The following TPRG1 variants were observed in gnomAD, a reference collection of about 807,000 sequenced individuals.
TPRG1 encodes the protein tumor protein p63-regulated gene 1 protein.
In TPRG1, 29 loss-of-function variants were observed where a neutral mutation model predicts 29.3. The observed-to-expected ratio is 0.99, with a 90% CI of 0.74 to 1.35. The LOEUF is 1.35. Among genes scored for constraint, TPRG1 ranks in the 40% most tolerant of loss-of-function variants. The pLI is 0.00. For missense variants in TPRG1, 327 were observed against 335.0 expected, an observed-to-expected ratio of 0.98 and a Z score of 0.19; for synonymous variants, 130 against 116.8, an observed-to-expected ratio of 1.11 and a Z score of -0.73.
intron 1 of TPRG1, among the ~76,000 whole-genome samples, chr3:189,105,066 T>C (rs991203212): frequency 2.0e-5 from 3 of 152,186 alleles, no homozygotes; most frequent in Non-Finnish European, 4.4e-5. Context: ...TTTCTTTTCA[T>C]GGCTCAGTGG....
intron 3 of TPRG1, among the ~76,000 whole-genome samples, chr3:189,016,927 G>A (rs1712965862): frequency 6.6e-6 from 1 of 152,096 alleles, no homozygotes; most frequent in African/African-American, 2.4e-5. Flanking sequence ...ATAGCAGTGT[G>A]AAAACGAATT....
chr3:189,197,864 A>G (rs1732803511), intron 1 of TPRG1, among the ~76,000 whole-genome samples: 1 of 152,188 alleles, frequency 6.6e-6, no homozygotes, highest in Admixed American at 6.5e-5. Flanking sequence ...ACCATACACA[A>G]TGTGACAAAC....
intron 5 of TPRG1, among the ~76,000 whole-genome samples, chr3:189,163,336 G>C (rs1046160105): frequency 3.9e-5 from 6 of 152,116 alleles, no homozygotes; most frequent in African/African-American, 1.4e-4. Flanking sequence ...ATTTCTCTCT[G>C]AGACATTGAT....
chr3:189,003,570 T>C (rs1262420632), intron 2 of TPRG1, among the ~76,000 whole-genome samples: 1 of 152,158 alleles, frequency 6.6e-6, no homozygotes, highest in Non-Finnish European at 1.5e-5. Context: ...CTCTAGGATC[T>C]AGTTGTAGAG....
intron 2 of TPRG1, among the ~76,000 whole-genome samples, chr3:189,213,274 G>A (rs956088805): frequency 1.3e-5 from 2 of 152,036 alleles, no homozygotes; most frequent in African/African-American, 2.4e-5. Context: ...ACTGATGTAC[G>A]GAATGACAAA....
chr3:189,308,377 G>C (rs900569132), intron 4 of TPRG1, among the ~76,000 whole-genome samples: 1 of 152,116 alleles, frequency 6.6e-6, no homozygotes, highest in African/African-American at 2.4e-5. Flanking sequence ...GGTCATAAAG[G>C]CATCTGCAGT....
At chr3:189,183,262 A>G (rs1387509395) in intron 1 of TPRG1, among the ~76,000 whole-genome samples, 2 of 152,172 alleles carry the variant, frequency 1.3e-5, no homozygotes, top group Non-Finnish European at 2.9e-5. Flanking sequence ...AGGGACTTTC[A>G]AAAGGGGAGG....
chr3:189,024,747 C>T (rs549934341), intron 4 of TPRG1, among the ~76,000 whole-genome samples: 4 of 152,072 alleles, frequency 2.6e-5, no homozygotes, highest in East Asian at 2.0e-4. Flanking sequence ...GCTCTGGATG[C>T]GAAGTCCTGC....
At chr3:189,045,518 GA>G in intron 4 of TPRG1, among the ~76,000 whole-genome samples, 1 of 152,178 alleles carries the variant, frequency 6.6e-6, no homozygotes, top group East Asian at 1.9e-4. Flanking sequence ...CAGTTAATCG[GA>G]ACAGGTTACT....
rs906544687 is a variant in TPRG1, at chr3:189,104,330, C to T, written c.-744+4126C>T. On this transcript the variant is annotated intron_variant, in intron 1 of 6. Coordinates refer to the TPRG1 transcript ENST00000412373. ...GACAGGCGTAGATATTCAGTAAATG[C>T]AACCTAAATATCCTAGCACTCATCT... 2.6e-5 allele frequency among the ~76,000 whole-genome samples: 4 copies of T among 152,078 alleles called. No individual in the cohort carries two copies. The South Asian group carries it at 8.3e-4, about 32-fold the overall frequency.
At chr3:189,271,768 T>C (rs1339951957) in intron 4 of TPRG1, among the ~76,000 whole-genome samples, 1 of 152,230 alleles carries the variant, frequency 6.6e-6, no homozygotes, top group Non-Finnish European at 1.5e-5. Context: ...GGTATCCTGA[T>C]CTTTTGGGGA....
chr3:189,316,381 C>T (rs1723527585), intron 5 of TPRG1, among the ~76,000 whole-genome samples: 1 of 152,190 alleles, frequency 6.6e-6, no homozygotes, highest in African/African-American at 2.4e-5. Flanking sequence ...GGCGTGCCCT[C>T]TATGACAGGA....
At chr3:189,100,732 T>C (rs545524277) in intron 1 of TPRG1, among the ~76,000 whole-genome samples, 25 of 152,330 alleles carry the variant, frequency 1.6e-4, no homozygotes, top group Middle Eastern at 3.4e-3. Context: ...AACCTTGTGA[T>C]TGGCTGACTA....
chr3:189,175,467 T>G (rs1578669693), intron 1 of TPRG1, among the ~76,000 whole-genome samples: 1 of 152,104 alleles, frequency 6.6e-6, no homozygotes. Context: ...AGGCTCAGGG[T>G]TTCAGATCAG....
intron 3 of TPRG1, among the ~76,000 whole-genome samples, chr3:189,140,079 A>C (rs938154095): frequency 6.6e-6 from 1 of 152,176 alleles, no homozygotes; most frequent in Non-Finnish European, 1.5e-5. Flanking sequence ...ATAAACTTGA[A>C]AACTGGCTTG....
intron 3 of TPRG1, among the ~76,000 whole-genome samples, chr3:189,017,388 C>T (rs1479853875): frequency 3.3e-5 from 5 of 152,096 alleles, no homozygotes; most frequent in Non-Finnish European, 7.4e-5. Context: ...GCTCCCCCCA[C>T]CTCACAACAG....
intron 5 of TPRG1, among the ~76,000 whole-genome samples, chr3:189,318,249 G>A (rs1042700013): frequency 2.6e-5 from 4 of 152,148 alleles, no homozygotes; most frequent in Non-Finnish European, 4.4e-5. Flanking sequence ...GCCTAAAATA[G>A]CAATAGTCCC....
At chr3:189,143,514 T>C (rs1331637960) in intron 3 of TPRG1, among the ~76,000 whole-genome samples, 1 of 152,220 alleles carries the variant, frequency 6.6e-6, no homozygotes, top group African/African-American at 2.4e-5. Flanking sequence ...TATGGCTCTG[T>C]CATACAAAAG....
chr3:189,005,394 C>T (rs1712235939), intron 3 of TPRG1, among the ~76,000 whole-genome samples: 1 of 152,066 alleles, frequency 6.6e-6, no homozygotes, highest in Non-Finnish European at 1.5e-5. Context: ...ATCTCCACAT[C>T]AGATTCTGAG....
Sources: allele counts gnomAD v4.1 joint callset (sites outside exome capture counted in the v4.1 genomes callset), GRCh38; gene constraint gnomAD v4.1.1; transcripts MANE v1.5; gene names NCBI Gene and HGNC (gene_info 2026-07-23, HGNC 2026-07-21).